Variants in PDE1C observed in about 807,000 individuals in gnomAD.
The protein encoded by PDE1C is dual specificity calcium/calmodulin-dependent 3',5'-cyclic nucleotide phosphodiesterase 1C.
PDE1C carries 62 observed loss-of-function variants against 93.1 expected under a neutral mutation model. That is an observed-to-expected ratio of 0.67 (90% CI 0.54 to 0.82). PDE1C has a LOEUF of 0.82. Ranked by LOEUF, PDE1C falls within the 40% of genes least tolerant of loss-of-function variation. The probability of loss-of-function intolerance (pLI) is 0.00; values close to 1 mark genes in which losing one functional copy is unlikely to be tolerated. For synonymous variants in PDE1C, 325 were observed against 310.1 expected, an observed-to-expected ratio of 1.05 and a Z score of -0.50; for missense variants, 742 against 884.6, an observed-to-expected ratio of 0.84 and a Z score of 2.04.
At chr7:32,387,543 G>T (rs9769785) in intron 1 of PDE1C, among the ~76,000 whole-genome samples, 4 of 140,592 alleles carry the variant, frequency 2.8e-5, no homozygotes, top group Admixed American at 7.0e-5. Context: ...GCGGCTGGCC[G>T]GGCAGAGGGG....
At chr7:31,829,566 A>G (rs1790116204) in intron 11 of PDE1C, among the ~76,000 whole-genome samples, 1 of 152,176 alleles carries the variant, frequency 6.6e-6, no homozygotes, top group South Asian at 2.1e-4. Context: ...ATTGGCTCAC[A>G]TGTAGCATTA....
chr7:31,815,752 A>G (rs557846416), intron 15 of PDE1C, among the ~76,000 whole-genome samples, 172 bp downstream of exon 15: 2 of 152,268 alleles, frequency 1.3e-5, no homozygotes, highest in South Asian at 2.1e-4. Flanking sequence ...GTGAGCTGGT[A>G]GCTGCTTCTG....
chr7:32,016,050 C>T (rs1322139769), intron 2 of PDE1C, among the ~76,000 whole-genome samples: 1 of 152,178 alleles, frequency 6.6e-6, no homozygotes, highest in African/African-American at 2.4e-5. Flanking sequence ...GAAGTTACCA[C>T]CCTTTCTCTA....
chr7:32,332,412 C>A (rs1337155162), intron 1 of PDE1C, among the ~76,000 whole-genome samples: 2 of 151,760 alleles, frequency 1.3e-5, no homozygotes, highest in Admixed American at 1.3e-4. Flanking sequence ...AGCAAATAAC[C>A]CTCTCATACA....
intron 1 of PDE1C, among the ~76,000 whole-genome samples, chr7:32,245,911 C>T (rs1808895403): frequency 6.6e-6 from 1 of 151,984 alleles, no homozygotes; most frequent in Admixed American, 6.6e-5. Flanking sequence ...AAAGGCCCCA[C>T]CTTCTAATAG....
chr7:31,964,540 G>C (rs562160007), intron 2 of PDE1C, among the ~76,000 whole-genome samples: 1 of 152,350 alleles, frequency 6.6e-6, no homozygotes, highest in South Asian at 2.1e-4. Context: ...GCAGGGCACA[G>C]ACAAACAAAA....
At chr7:32,163,526 A>G (rs1307709710) in intron 3 of PDE1C, among the ~76,000 whole-genome samples, 1 of 152,194 alleles carries the variant, frequency 6.6e-6, no homozygotes, top group Non-Finnish European at 1.5e-5. Flanking sequence ...TAAGCTATCT[A>G]TAGAATCTAG....
chr7:32,207,178 C>G (rs1449398456), intron 2 of PDE1C, among the ~76,000 whole-genome samples: 3 of 152,068 alleles, frequency 2.0e-5, no homozygotes, highest in African/African-American at 7.2e-5. Context: ...TTCCCAAGTC[C>G]CCACTCCCAG....
intron 3 of PDE1C, among the ~76,000 whole-genome samples, chr7:32,117,058 T>G (rs968779381): frequency 2.0e-5 from 3 of 152,268 alleles, no homozygotes; most frequent in African/African-American, 7.2e-5. Context: ...TCAGAGTAAA[T>G]AGATGCAAAA....
chr7:31,915,150 CA>C (rs1355084666), intron 2 of PDE1C, among the ~76,000 whole-genome samples: 1 of 152,192 alleles, frequency 6.6e-6, no homozygotes, highest in Admixed American at 6.5e-5. Flanking sequence ...TATCTAATCG[CA>C]AGTAAGCCTT....
intron 1 of PDE1C, among the ~76,000 whole-genome samples, chr7:32,311,768 GCTAT>G (rs1332790859): frequency 3.9e-5 from 6 of 152,184 alleles, no homozygotes; most frequent in Admixed American, 3.3e-4. Context: ...AATAATAAGA[GCTAT>G]CTATGATAAA....
At chr7:32,371,028 C>T (rs528824706) in intron 1 of PDE1C, among the ~76,000 whole-genome samples, 1 of 151,656 alleles carries the variant, frequency 6.6e-6, no homozygotes, top group South Asian at 2.1e-4. Flanking sequence ...GATCTCAAAT[C>T]TACACCTTCT....
At chr7:32,022,553 G>A (rs562916533) in intron 2 of PDE1C, among the ~76,000 whole-genome samples, 126 of 152,004 alleles carry the variant, frequency 8.3e-4, no homozygotes, top group African/African-American at 3.0e-3. Context: ...CACAGAAGGT[G>A]GTATCGGGCC....
intron 2 of PDE1C, among the ~76,000 whole-genome samples, chr7:32,016,819 A>G (rs1301801433): frequency 6.6e-6 from 1 of 152,222 alleles, no homozygotes; most frequent in Non-Finnish European, 1.5e-5. Flanking sequence ...AAAGCTATAC[A>G]TGAAAATTTT....
chr7:31,619,637 C>T, the PDE1C span, among the ~76,000 whole-genome samples: 2 of 152,006 alleles, frequency 1.3e-5, no homozygotes, highest in East Asian at 2.0e-4. Flanking sequence ...CCAAGATGGC[C>T]GAATAGGAAC....
chr7:31,952,011 C>A (rs1321116398), intron 2 of PDE1C, among the ~76,000 whole-genome samples: 2 of 152,170 alleles, frequency 1.3e-5, no homozygotes, highest in Admixed American at 1.3e-4. Context: ...AGGAACTGTA[C>A]TAAGTACTTT....
chr7:32,044,145 A>G (rs1792205240), intron 2 of PDE1C, among the ~76,000 whole-genome samples: 1 of 152,206 alleles, frequency 6.6e-6, no homozygotes, highest in Non-Finnish European at 1.5e-5. Context: ...ACAGAATTAG[A>G]GAAGCAGGAA....
At chr7:32,389,153 C>G (rs1212541374) in intron 1 of PDE1C, among the ~76,000 whole-genome samples, 2 of 47,226 alleles carry the variant, frequency 4.2e-5, no homozygotes, top group Non-Finnish European at 9.2e-5. Flanking sequence ...AAACTGATAG[C>G]TGACGTGTGT....
intron 3 of PDE1C, among the ~76,000 whole-genome samples, chr7:32,123,409 C>CA (rs113537086): frequency 0.2 from 30,768 of 151,310 alleles, 3,737 homozygotes; most frequent in Middle Eastern, 0.31. Context: ...ACACAATAAA[C>CA]AAAAAAAAAC....
Sources: gnomAD v4.1 joint callset for allele counts (sites outside exome capture counted in the v4.1 genomes callset) on GRCh38, gnomAD v4.1.1 for gene constraint, MANE v1.5 for transcripts, NCBI Gene and HGNC (gene_info 2026-07-23, HGNC 2026-07-21) for gene names.